Variants in MYO1E observed in about 807,000 individuals in gnomAD.
MYO1E encodes unconventional myosin-Ie.
Under a neutral mutation model 151.1 loss-of-function variants are expected in MYO1E, and 68 were observed. The observed-to-expected ratio is 0.45, with a 90% CI of 0.37 to 0.55. MYO1E has a LOEUF of 0.55. Among genes scored for constraint, MYO1E ranks in the 20% least tolerant of loss-of-function variants. MYO1E has a pLI of 0.00. For missense variants in MYO1E, 1,363 were observed against 1,389.3 expected, an observed-to-expected ratio of 0.98 and a Z score of 0.30; for synonymous variants, 601 against 501.7, an observed-to-expected ratio of 1.20 and a Z score of -2.64.
intron 1 of MYO1E, among the ~76,000 whole-genome samples, chr15:59,349,790 C>T (rs866819132): frequency 1.3e-5 from 2 of 152,208 alleles, no homozygotes; most frequent in Non-Finnish European, 2.9e-5. Flanking sequence ...TCTAACCTTA[C>T]TCAATTATTT....
rs1596366129 is a variant in MYO1E at position 59,208,247 on chromosome 15, C to A, written c.1530+434G>T. On this transcript the variant is annotated intron_variant, in intron 14 of 27. Transcript: ENST00000288235. ...GTCCTCCAGCTCTTTTATTGAGCAT[C>A]CACGTGCTGGACGATACTTATTTAC... The A allele has an allele frequency of 1.1e-5, 7 of 660,932 alleles. No individual in the cohort carries two copies. In the East Asian group the frequency reaches 2.0e-4, roughly 19 times the overall value. The allele number at this position is 660,932 out of a possible 1,614,324, so 40.9% of individuals were successfully genotyped here. A position where few individuals can be genotyped will look rare whatever the true frequency, so the allele number is the denominator to read the frequency against.
At chr15:59,240,295 C>T (rs1426711734) in intron 4 of MYO1E, among the ~76,000 whole-genome samples, 2 of 152,126 alleles carry the variant, frequency 1.3e-5, no homozygotes, top group Non-Finnish European at 2.9e-5. Context: ...CAGCTGGGAA[C>T]AAGCCAAGCA....
rs540991989 is a variant in MYO1E, at chr15:59,346,251, G to A, written c.3+26247C>T. On this transcript the variant is annotated intron_variant, in intron 1 of 27. Transcript: ENST00000288235. ...CGACCAGGGACCTATTCAGAAGCAC[G>A]AACTGCAGGCTGTGTCCCACCATGG... 4.5e-4 allele frequency among the ~76,000 whole-genome samples: 68 copies of A among 152,178 alleles called. No individual in the cohort carries two copies. In the South Asian group the frequency reaches 9.6e-3, roughly 21 times the overall value.
chr15:59,141,475 G>T (rs532219183), intron 26 of MYO1E, among the ~76,000 whole-genome samples: 36 of 152,252 alleles, frequency 2.4e-4, no homozygotes, highest in African/African-American at 8.7e-4. Flanking sequence ...TATTGTTTAG[G>T]GAATAATGAC....
In MYO1E at chr15:59,255,637, GGAA is replaced by G. The variant is rs1328792906; in HGVS notation, c.332+644_332+646del. Among the ~76,000 whole-genome samples, 6 of 152,018 alleles carry G rather than the reference GGAA, an allele frequency of 3.9e-5. No individual in the cohort carries two copies. The East Asian group carries it at 7.7e-4, about 20-fold the overall frequency. On this transcript the variant is annotated intron_variant, in intron 4 of 27. Coordinates refer to ENST00000288235, the MANE Select transcript of MYO1E (RefSeq NM_004998.4). ...TCTTTTGGCTTCCCTGGGCCACACTGGAAGAAGAAGAATTGTCTTGGGCCACAC... is the reference window on the plus strand; with the variant it reads ...TCTTTTGGCTTCCCTGGGCCACACTGGAAGAAGAATTGTCTTGGGCCACAC...
intron 17 of MYO1E, among the ~76,000 whole-genome samples, chr15:59,189,073 T>C (rs1172711022): frequency 6.6e-6 from 1 of 152,220 alleles, no homozygotes; most frequent in Non-Finnish European, 1.5e-5. Context: ...TACAAGAATT[T>C]TTTTTTGATA....
At chr15:59,326,540 G>A (rs552333652) in intron 1 of MYO1E, among the ~76,000 whole-genome samples, 20 of 152,124 alleles carry the variant, frequency 1.3e-4, no homozygotes, top group Non-Finnish European at 2.8e-4. Flanking sequence ...GATTATTTGG[G>A]TGGTCAGTCT....
intron 2 of MYO1E, among the ~76,000 whole-genome samples, chr15:59,263,558 T>G (rs758792146): frequency 1.3e-5 from 2 of 152,226 alleles, no homozygotes; most frequent in South Asian, 4.1e-4. Context: ...ATAATTTTTT[T>G]AAAGATAATA....
At chr15:59,366,299 TC>T (rs35912935) in intron 1 of MYO1E, among the ~76,000 whole-genome samples, 108,490 of 147,244 alleles carry the variant, frequency 0.74, 41,260 homozygotes, top group Non-Finnish European at 0.85. Context: ...CTTTTTTTTC[TC>T]TCTCTCTCTT....
At chr15:59,203,043 G>A (rs577629115) in intron 15 of MYO1E, among the ~76,000 whole-genome samples, 1 of 152,174 alleles carries the variant, frequency 6.6e-6, no homozygotes, top group South Asian at 2.1e-4. Flanking sequence ...ACTGCGCCTG[G>A]CCAGCATGTG....
At chr15:59,234,257 GATGGGTGC>G in intron 5 of MYO1E, among the ~76,000 whole-genome samples, 2 of 151,754 alleles carry the variant, frequency 1.3e-5, no homozygotes, top group Non-Finnish European at 2.9e-5. Context: ...TGCATGGATG[GATGGGTGC>G]ATGGATGGAT....
At chr15:59,369,602 T>C (rs2080933154) in intron 1 of MYO1E, among the ~76,000 whole-genome samples, 1 of 152,132 alleles carries the variant, frequency 6.6e-6, no homozygotes, top group Non-Finnish European at 1.5e-5. Flanking sequence ...CACTAAATTA[T>C]AAAGATGTGC....
chr15:59,367,460 A>T (rs1169310340), intron 1 of MYO1E, among the ~76,000 whole-genome samples: 1 of 152,228 alleles, frequency 6.6e-6, no homozygotes, highest in Non-Finnish European at 1.5e-5. Flanking sequence ...AGGGTTGAAG[A>T]GAAAAGCTCA....
Position 59,195,458 on chromosome 15 carries a change from T to C in MYO1E, c.1805+3A>G, listed in dbSNP as rs1179689541. On this transcript the variant is annotated splice_donor_region_variant and intron_variant, in intron 17 of 27. Coordinates refer to ENST00000288235, the MANE Select transcript of MYO1E (RefSeq NM_004998.4). ...CCCCACCTAAGCCGGTTTCCCCCGA[T>C]ACCTGCTTTCCTCCCAGTCTCTGGG... 1 of 1,610,714 alleles carries C rather than the reference T, an allele frequency of 6.2e-7. No homozygotes were observed. The highest frequency in any genetic ancestry group is 8.5e-7 in the Non-Finnish European group (1 of 1,176,856).
At chr15:59,360,045 T>C (rs1437610458) in intron 1 of MYO1E, among the ~76,000 whole-genome samples, 1 of 152,186 alleles carries the variant, frequency 6.6e-6, no homozygotes, top group East Asian at 1.9e-4. Flanking sequence ...CAGGGGAAGA[T>C]AAGAACAGTG....
intron 1 of MYO1E, among the ~76,000 whole-genome samples, chr15:59,362,092 C>T (rs988245572): frequency 1.3e-5 from 2 of 152,260 alleles, no homozygotes; most frequent in African/African-American, 4.8e-5. Context: ...CCGCCTCGGC[C>T]TTCCAAAGTG....
intron 1 of MYO1E, 32 bp downstream of exon 1, chr15:59,372,466 C>A: frequency 2.0e-6 from 3 of 1,537,736 alleles, no homozygotes; most frequent in Non-Finnish European, 2.6e-6. Flanking sequence ...TCCCCGGGTC[C>A]GGCGTCCTAG....
chr15:59,268,352 A>T (rs1410868263), intron 2 of MYO1E, among the ~76,000 whole-genome samples: 3 of 152,146 alleles, frequency 2.0e-5, no homozygotes, highest in Non-Finnish European at 2.9e-5. Context: ...CTAAAACATA[A>T]AGTCATTAGT....
In MYO1E at chr15:59,188,112, C is replaced by T. The variant is rs1185888418; in HGVS notation, c.1904+6G>A. The T allele has an allele frequency of 6.2e-7, 1 of 1,601,854 alleles. No homozygotes were observed. Among genetic ancestry groups the T allele is most frequent in the Admixed American group, 1.7e-5 (1 of 60,024 alleles). ...TTAAAAAAGGCCAGAGTCACTAGTT[C>T]ATTACCTCTGTAGGAATTTTTGGAA... On this transcript the variant is annotated splice_donor_region_variant and intron_variant, in intron 18 of 27. Coordinates refer to ENST00000288235, the MANE Select transcript of MYO1E (RefSeq NM_004998.4).
Sources: allele counts gnomAD v4.1 joint callset (sites outside exome capture counted in the v4.1 genomes callset), GRCh38; gene constraint gnomAD v4.1.1; transcripts MANE v1.5; gene names NCBI Gene and HGNC (gene_info 2026-07-23, HGNC 2026-07-21).